Variants in DLGAP2 observed in about 807,000 individuals in gnomAD.
DLGAP2 encodes the protein DLG associated protein 2.
A neutral mutation model predicts 100.3 loss-of-function variants in DLGAP2; 26 were observed. The observed-to-expected ratio is 0.26, with a 90% CI of 0.19 to 0.36. The LOEUF (loss-of-function observed/expected upper bound fraction) is 0.36. Ranked by LOEUF, DLGAP2 falls within the 10% of genes least tolerant of loss-of-function variation. The pLI is 1.00. For synonymous variants in DLGAP2, 886 were observed against 630.1 expected (o/e 1.41, Z -6.08); for missense variants, 1,858 against 1,453.2 (o/e 1.28, Z -4.53).
intron 3 of DLGAP2, among the ~76,000 whole-genome samples, chr8:1,270,224 T>C (rs1312415636): frequency 2.6e-5 from 4 of 152,100 alleles, no homozygotes; most frequent in Non-Finnish European, 5.9e-5. Flanking sequence ...ATTGAGAATA[T>C]GAGAGCTGTG....
At chr8:737,869 G>A (rs975399885) in intron 1 of DLGAP2, 44 bp downstream of exon 1, 13 of 373,264 alleles carry the variant, frequency 3.5e-5, no homozygotes, top group Non-Finnish European at 6.2e-5. Flanking sequence ...GCGGGGCTCC[G>A]AGAGCCGTCG....
intron 5 of DLGAP2, among the ~76,000 whole-genome samples, chr8:1,559,442 A>G (rs1028398813): frequency 1.3e-5 from 2 of 152,180 alleles, no homozygotes; most frequent in African/African-American, 2.4e-5. Flanking sequence ...GTCTCCAGAC[A>G]TATGCTTTGG....
chr8:797,587 T>C (rs1302859073), intron 1 of DLGAP2, among the ~76,000 whole-genome samples: 1 of 152,134 alleles, frequency 6.6e-6, no homozygotes, highest in Non-Finnish European at 1.5e-5. Flanking sequence ...CTGCTGGCCA[T>C]AGATGTCAAT....
chr8:1,175,826 G>C (rs4735989), intron 2 of DLGAP2, among the ~76,000 whole-genome samples: 77,327 of 152,106 alleles, frequency 0.51, 20,717 homozygotes, highest in Admixed American at 0.63. Flanking sequence ...ATAGAGGAAG[G>C]CACTCGGCAT....
At chr8:920,580 A>AC (rs1208691533) in intron 2 of DLGAP2, among the ~76,000 whole-genome samples, 1 of 152,056 alleles carries the variant, frequency 6.6e-6, no homozygotes, top group Non-Finnish European at 1.5e-5. Context: ...ACATGGTGAG[A>AC]CCCCATCTCT....
At position 1,705,925 on chromosome 8, in the gene DLGAP2, G is replaced by A. The variant is rs1799694128; in HGVS notation, c.*4519G>A. 6.6e-6 allele frequency: 1 copy of A among 152,164 alleles called. No individual in the cohort carries two copies. The allele number at this position is 152,164 out of a possible 1,614,324, so 9.4% of individuals were successfully genotyped here. A position where few individuals can be genotyped will look rare whatever the true frequency, so the allele number is the denominator to read the frequency against. On this transcript the variant is annotated 3_prime_UTR_variant, in exon 15 of 15. Transcript: ENST00000637795. ...GAAAAAGATGACCCCTTTCTGATTA[G>A]GATCTGTAACTCTGTGGGCTGGGTC...
In DLGAP2 at chr8:1,675,212, C is replaced by T. The variant is rs554602954; in HGVS notation, c.2203-1321C>T. 3.8e-4 allele frequency among the ~76,000 whole-genome samples: 58 copies of T among 152,350 alleles called. No individual in the cohort carries two copies. In the South Asian group the frequency reaches 0.011, roughly 29 times the overall value. ...GTCCGTTCCCCTGGATCCACGGCGG[C>T]GGCCGAGAGCTCCAGGGTTTTCTCG... On this transcript the variant is annotated intron_variant, in intron 10 of 14. Transcript: ENST00000637795.
intron 3 of DLGAP2, among the ~76,000 whole-genome samples, chr8:1,383,614 G>A (rs80141974): frequency 1.3e-5 from 2 of 152,190 alleles, no homozygotes; most frequent in South Asian, 2.1e-4. Flanking sequence ...CTTGATTAAC[G>A]ACCAGATCCC....
chr8:1,165,710 T>A (rs1797002016), intron 2 of DLGAP2, among the ~76,000 whole-genome samples: 2 of 152,234 alleles, frequency 1.3e-5, no homozygotes, highest in Non-Finnish European at 2.9e-5. Context: ...GCTGTGCAGG[T>A]GTTACAAACA....
chr8:1,245,432 A>G (rs776699539), intron 2 of DLGAP2, among the ~76,000 whole-genome samples: 1 of 152,240 alleles, frequency 6.6e-6, no homozygotes, highest in Non-Finnish European at 1.5e-5. Context: ...TGGAGCACCG[A>G]TGCATGCTGT....
chr8:1,590,821 C>T (rs1029175921), intron 6 of DLGAP2, among the ~76,000 whole-genome samples: 1 of 152,196 alleles, frequency 6.6e-6, no homozygotes. Flanking sequence ...CCAGAGCAGA[C>T]AGCCCCTTGC....
intron 3 of DLGAP2, among the ~76,000 whole-genome samples, chr8:1,433,963 C>A (rs183212889): frequency 1.1e-3 from 172 of 152,138 alleles, no homozygotes; most frequent in Non-Finnish European, 2.0e-3. Flanking sequence ...AGCCAAGATT[C>A]TTTATGTAAA....
intron 1 of DLGAP2, among the ~76,000 whole-genome samples, chr8:836,479 C>A (rs57859768): frequency 0.083 from 12,609 of 152,254 alleles, 679 homozygotes; most frequent in East Asian, 0.21. Flanking sequence ...CTCCTGTGTG[C>A]CAGGCTCCTG....
chr8:842,955 C>T (rs916533786), intron 1 of DLGAP2, among the ~76,000 whole-genome samples: 1 of 152,222 alleles, frequency 6.6e-6, no homozygotes, highest in African/African-American at 2.4e-5. Flanking sequence ...TGTTTTACAG[C>T]AGCCGGTGGT....
intron 3 of DLGAP2, among the ~76,000 whole-genome samples, chr8:1,427,298 C>T (rs1797262565): frequency 6.6e-6 from 1 of 152,168 alleles, no homozygotes; most frequent in Admixed American, 6.5e-5. Context: ...ATTTGAACAA[C>T]ACAACGACAA....
chr8:1,614,558 G>C (rs1241621384), intron 6 of DLGAP2, among the ~76,000 whole-genome samples: 1 of 152,176 alleles, frequency 6.6e-6, no homozygotes, highest in Non-Finnish European at 1.5e-5. Context: ...GGACGACCTT[G>C]TGCCCACACG....
At chr8:1,110,841 C>CCACA (rs1443716951) in intron 2 of DLGAP2, among the ~76,000 whole-genome samples, 20 of 152,124 alleles carry the variant, frequency 1.3e-4, no homozygotes, top group African/African-American at 4.8e-4. Flanking sequence ...CCCCGGGACC[C>CCACA]CACACACCCT....
chr8:1,559,394 G>C (rs1474167233), intron 5 of DLGAP2, among the ~76,000 whole-genome samples: 2 of 152,178 alleles, frequency 1.3e-5, no homozygotes, highest in African/African-American at 4.8e-5. Flanking sequence ...TGCTGAGGCA[G>C]GCTGGCATTT....
chr8:1,076,632 T>G (rs963931355), intron 2 of DLGAP2, among the ~76,000 whole-genome samples: 8 of 152,206 alleles, frequency 5.3e-5, no homozygotes, highest in African/African-American at 1.9e-4. Flanking sequence ...TCTGTACGTC[T>G]CCTTCCCAGC....
Sources: allele counts gnomAD v4.1 joint callset (sites outside exome capture counted in the v4.1 genomes callset), GRCh38; gene constraint gnomAD v4.1.1; transcripts MANE v1.5; gene names NCBI Gene and HGNC (gene_info 2026-07-23, HGNC 2026-07-21).